Variants in SP2 observed in about 807,000 individuals in gnomAD.
SP2 encodes transcription factor Sp2.
A neutral mutation model predicts 50.1 loss-of-function variants in SP2; 9 were observed. The observed-to-expected ratio is 0.18, with a 90% CI of 0.11 to 0.31. SP2 has a LOEUF of 0.31. SP2 is among the 10% of genes least tolerant of loss of function. The pLI is 1.00. For synonymous variants in SP2, 313 were observed against 326.6 expected (o/e 0.96, Z 0.45); for missense variants, 581 against 806.5 (o/e 0.72, Z 3.39).
intron 6 of SP2, among the ~76,000 whole-genome samples, chr17:47,926,255 A>G (rs1447624637): frequency 6.6e-6 from 1 of 151,244 alleles, no homozygotes; most frequent in Non-Finnish European, 1.5e-5. Flanking sequence ...GAGCTGGCCC[A>G]GTCACACAGC....
At chr17:47,918,734 T>C (rs2035313823) in intron 3 of SP2, among the ~76,000 whole-genome samples, 2 of 152,220 alleles carry the variant, frequency 1.3e-5, no homozygotes, top group South Asian at 4.1e-4. Flanking sequence ...AATAAATCCC[T>C]GAAAGTGGGT....
chr17:47,896,337 G>A lies in SP2; in HGVS notation c.7+44G>A, dbSNP rs1227293066. 5.7e-6 allele frequency: 7 copies of A among 1,234,414 alleles called. No individual in the cohort carries two copies. The African/African-American group carries it at 6.2e-5, about 11-fold the overall frequency. The allele number at this position is 1,234,414 out of a possible 1,614,324, so 76.5% of individuals were successfully genotyped here. On this transcript the variant is annotated intron_variant, in intron 1 of 6. Transcript: ENST00000376741. ...CGGCGGGGTCTTCCCGGCCCCCAAG[G>A]GTCAGGAAGACGGGCAGAGGCCGCG...
intron 1 of SP2, among the ~76,000 whole-genome samples, chr17:47,911,167 G>A (rs59811700): frequency 0.25 from 37,784 of 151,874 alleles, 5,670 homozygotes; most frequent in East Asian, 0.51. Context: ...CAGAGGTTGC[G>A]GTGAGCCGAG....
Position 47,924,992 on chromosome 17 carries a change from C to G in SP2, c.1446C>G (p.Ile482Met). ...TCAGTGGGCTGAGCCCCACCCAGAT[C>G]CAGCTGCAAATGGAACAAGCCCTGG... The part of the protein sequence containing the change: ...LTISGLSPTQ[I>M]QLQMEQALAG... The change falls in exon 5 of 7, where the codon ATC (isoleucine) becomes ATG (methionine). Residue 482 changes from isoleucine to methionine, a missense_variant. Ile to Met is a conservative substitution (Grantham distance 10). Coordinates refer to ENST00000376741, the MANE Select transcript of SP2 (RefSeq NM_003110.6). The G allele has an allele frequency of 1.2e-6, 2 of 1,614,162 alleles. No individual in the cohort carries two copies. Among genetic ancestry groups the G allele is most frequent in the Non-Finnish European group, 1.7e-6 (2 of 1,179,998 alleles).
At position 47,916,748 on chromosome 17, in the gene SP2, G is replaced by T. The variant is rs755570071; in HGVS notation, c.677G>T (p.Gly226Val). Residue 226 changes from glycine to valine, a missense_variant, in exon 3 of 7, where the codon GGG (glycine) becomes GTG (valine). By Grantham distance (109) the Gly-to-Val change is moderately radical (BLOSUM62 -3). Coordinates refer to ENST00000376741, the MANE Select transcript of SP2 (RefSeq NM_003110.6). This position sits in a 1 kb window ranked among gnomAD's most constrained non-coding sequence, Gnocchi z 4.7. ...VNNLVNASDTGAPTQLLTESP... is the reference protein window; with the variant it reads ...VNNLVNASDTVAPTQLLTESP... ...AACCTTGTGAACGCCAGTGACACCG[G>T]GGCCCCTACTCAGCTCCTCACTGAA... is the stretch of plus-strand genomic sequence containing the variant. 1 of 1,613,004 alleles carries T rather than the reference G, an allele frequency of 6.2e-7. No individual in the cohort carries two copies. Among genetic ancestry groups the T allele is most frequent in the Admixed American group, 1.7e-5 (1 of 59,938 alleles).
chr17:47,912,904 G>C (rs2035047931), intron 1 of SP2, among the ~76,000 whole-genome samples: 1 of 152,118 alleles, frequency 6.6e-6, no homozygotes, highest in African/African-American at 2.4e-5. Context: ...CTCTTGCCCA[G>C]GCTGGAGTGC....
At chr17:47,921,295 C>G (rs2035447469) in intron 3 of SP2, among the ~76,000 whole-genome samples, 1 of 152,214 alleles carries the variant, frequency 6.6e-6, no homozygotes, top group African/African-American at 2.4e-5. Context: ...GTCACCCAGG[C>G]TGGAGTGCAG....
intron 1 of SP2, among the ~76,000 whole-genome samples, chr17:47,896,556 C>T (rs2034341221): frequency 6.6e-6 from 1 of 152,136 alleles, no homozygotes; most frequent in African/African-American, 2.4e-5. Flanking sequence ...GGCGGCGCTT[C>T]CGGGGGCCGG....
At chr17:47,899,305 T>C (rs2034452034) in intron 1 of SP2, 1 of 152,224 alleles carries the variant, frequency 6.6e-6, no homozygotes, top group African/African-American at 2.4e-5. Flanking sequence ...GTCAGCAATC[T>C]ATTGGAGCAA....
At chr17:47,930,814 G>A (rs1347610052), downstream of SP2, among the ~76,000 whole-genome samples, 3 of 152,002 alleles carry the variant, frequency 2.0e-5, no homozygotes, top group South Asian at 2.1e-4. Context: ...TGTCCCCAGC[G>A]TCATGTGCAC....
chr17:47,925,340 A>T lies in SP2; in HGVS notation c.1548-8A>T, dbSNP rs755475729. On this transcript the variant is annotated splice_region_variant and splice_polypyrimidine_tract_variant and intron_variant, in intron 5 of 6. Transcript: ENST00000376741. ...TTCCCTCCACTCCACCCTCACCCCA[A>T]TTCTCAGGTCTGGAGAGCAGGGCAA... The T allele has an allele frequency of 2.5e-6, 4 of 1,609,518 alleles. No individual in the cohort carries two copies. The South Asian group carries it at 3.3e-5, about 13-fold the overall frequency.
At position 47,922,963 on chromosome 17, in the gene SP2, T is replaced by C. The variant is rs2035516716; in HGVS notation, c.1061T>C (p.Val354Ala). 8 of 1,609,154 alleles carry C rather than the reference T, an allele frequency of 5.0e-6. No homozygotes were observed. Among genetic ancestry groups the C allele is most frequent in the Non-Finnish European group, 6.0e-6 (7 of 1,176,166 alleles). ...TTTTTTTTCTCTGGCCCCTCCCAGGTCTACATCCGCACGCCTTCCGGTGAG... is the reference window on the plus strand; with the variant it reads ...TTTTTTTTCTCTGGCCCCTCCCAGGCCTACATCCGCACGCCTTCCGGTGAG... ...IQAAEPTPTQ[V>A]YIRTPSGEVQ... Residue 354 changes from valine to alanine, a missense_variant and splice_region_variant, in exon 4 of 7, where the codon GTC becomes GCC. Transcript: ENST00000376741.
chr17:47,913,465 C>T (rs997440737), intron 1 of SP2, among the ~76,000 whole-genome samples: 2 of 152,170 alleles, frequency 1.3e-5, no homozygotes, highest in Non-Finnish European at 2.9e-5. Context: ...TGAAGTCTGA[C>T]TCTGCCTGGT....
At chr17:47,925,905 C>CTTTTTTTTT (rs71141942) in intron 6 of SP2, among the ~76,000 whole-genome samples, 2 of 84,442 alleles carry the variant, frequency 2.4e-5, no homozygotes, top group African/African-American at 9.6e-5. Context: ...TTGTTTATGC[C>CTTTTTTTTT]TTTTTTTTTT....
At chr17:47,918,523 G>T (rs1233974239) in intron 3 of SP2, 2 of 152,140 alleles carry the variant, frequency 1.3e-5, no homozygotes, top group Non-Finnish European at 2.9e-5. Flanking sequence ...CTTCCATGAG[G>T]TCCCATTTCT....
At chr17:47,906,852 G>A (rs1172508563) in intron 1 of SP2, among the ~76,000 whole-genome samples, 1 of 152,160 alleles carries the variant, frequency 6.6e-6, no homozygotes, top group Non-Finnish European at 1.5e-5. Context: ...GCCAGACACA[G>A]GCCTATGAGT....
intron 3 of SP2, among the ~76,000 whole-genome samples, chr17:47,922,301 A>G (rs953796056): frequency 1.3e-5 from 2 of 152,032 alleles, no homozygotes; most frequent in Non-Finnish European, 1.5e-5. Flanking sequence ...CTCAGCCTCT[A>G]ATTTGCGTAT....
At position 47,917,023 on chromosome 17, in the gene SP2, C is replaced by A; in HGVS notation, c.952C>A (p.Gln318Lys). The change falls in exon 3 of 7, where the codon CAG becomes AAG. Residue 318 changes from glutamine to lysine, a missense_variant. Gln to Lys is a moderately conservative substitution (Grantham distance 53). Around this residue, in one of 2 missense-constraint regions of SP2, gnomAD observed 397 missense variants for 491.0 expected, o/e 0.81. Coordinates refer to ENST00000376741, the MANE Select transcript of SP2 (RefSeq NM_003110.6). ...AEQQQVVQIP[Q>K]QALRVVQAAS... ...GCAGCAGCAGGTGGTACAGATCCCC[C>A]AGCAGGCTCTGCGGGTGGTGCAGGC... The A allele has an allele frequency of 6.2e-7, 1 of 1,614,204 alleles. No individual in the cohort carries two copies. The highest frequency in any genetic ancestry group is 8.5e-7 in the Non-Finnish European group (1 of 1,180,052).
At chr17:47,911,412 G>A (rs927803026) in intron 1 of SP2, among the ~76,000 whole-genome samples, 1 of 151,472 alleles carries the variant, frequency 6.6e-6, no homozygotes, top group African/African-American at 2.4e-5. Flanking sequence ...GGATGTAGTG[G>A]TGGGTGCCTG....
Sources: allele counts gnomAD v4.1 joint callset (sites outside exome capture counted in the v4.1 genomes callset), GRCh38; gene constraint gnomAD v4.1.1; regional missense constraint gnomAD v4.1.1; non-coding constraint Gnocchi (gnomAD v3.1); transcripts MANE v1.5; gene names NCBI Gene and HGNC (gene_info 2026-07-23, HGNC 2026-07-21).